ADAM19: variants seen among roughly 807,000 people sequenced by gnomAD.
The protein encoded by ADAM19 is ADAM metallopeptidase domain 19, also known as disintegrin and metalloproteinase domain-containing protein 19.
In ADAM19, 65 loss-of-function variants were observed where a neutral mutation model predicts 114.7. The ratio of observed to expected loss-of-function variants is 0.57; its 90% CI spans 0.46 to 0.70. The LOEUF is 0.70. Among genes scored for constraint, ADAM19 ranks in the 30% least tolerant of loss-of-function variants. The pLI is 0.00. For synonymous variants in ADAM19, 466 were observed against 460.5 expected (o/e 1.01, Z -0.15); for missense variants, 1,063 against 1,204.7 (o/e 0.88, Z 1.74).
At chr5:157,519,053 A>T (rs1756187899) in intron 6 of ADAM19, among the ~76,000 whole-genome samples, 165 bp from the exon 7 acceptor site, 1 of 152,168 alleles carries the variant, frequency 6.6e-6, no homozygotes, top group African/African-American at 2.4e-5. Context: ...CACTCATATA[A>T]CACCTTCCAC....
chr5:157,562,360 C>T (rs1159495101), intron 3 of ADAM19, among the ~76,000 whole-genome samples: 5 of 152,190 alleles, frequency 3.3e-5, no homozygotes, highest in South Asian at 2.1e-4. Flanking sequence ...CAATGGGAAA[C>T]GAGAGCTGCT....
At chr5:157,516,204 CCCCACCCCAGT>C (rs1269935319) in intron 7 of ADAM19, among the ~76,000 whole-genome samples, 1 of 152,114 alleles carries the variant, frequency 6.6e-6, no homozygotes, top group African/African-American at 2.4e-5. Flanking sequence ...TGTTACACAC[CCCCACCCCAGT>C]CCCTCAAATG....
intron 21 of ADAM19, 134 bp downstream of exon 21, chr5:157,488,131 G>C: frequency 1.2e-6 from 1 of 867,778 alleles, no homozygotes; most frequent in Non-Finnish European, 1.9e-6. Flanking sequence ...GTGCGCCCCC[G>C]TATTGACTGA....
chr5:157,505,692 C>G lies in ADAM19; in HGVS notation c.1107G>C (p.Gly369=). 6.2e-7 allele frequency: 1 copy of G among 1,614,096 alleles called. No individual in the cohort carries two copies. Among genetic ancestry groups the G allele is most frequent in the African/African-American group, 1.3e-5 (1 of 75,040 alleles). The change falls in exon 11 of 23, where the codon GGG becomes GGC. Residue 369 remains glycine, a synonymous_variant. Coordinates refer to ENST00000257527, the MANE Select transcript of ADAM19 (RefSeq NM_033274.5). ...DCCSASAADG[G]CIMAAATGHP... is the part of the protein sequence containing the mutation. ...ACCCAGTGGCAGCTGCCATGATGCACCCACCATCAGCCGCACTGGCCGAGC... is the reference window on the plus strand; with the variant it reads ...ACCCAGTGGCAGCTGCCATGATGCAGCCACCATCAGCCGCACTGGCCGAGC...
chr5:157,547,329 C>A (rs1757076314), intron 3 of ADAM19, among the ~76,000 whole-genome samples: 1 of 152,198 alleles, frequency 6.6e-6, no homozygotes, highest in Non-Finnish European at 1.5e-5. Context: ...TGTATCCCCG[C>A]AAAAGCCTGT....
chr5:157,493,219 G>C, intron 15 of ADAM19, 42 bp from the exon 16 acceptor site: 1 of 1,599,118 alleles, frequency 6.3e-7, no homozygotes, highest in Non-Finnish European at 8.6e-7. Context: ...GGAATCAGAG[G>C]CAGAGGAAGA....
rs1169014667 is a variant in ADAM19, at chr5:157,477,499, A to G, written c.*3450T>C. ...AAATTCACATTGCCCTGGATCCCAG[A>G]CACATACAAACGCACAGTGGACGGT... On this transcript the variant is annotated 3_prime_UTR_variant, in exon 23 of 23. Coordinates refer to ENST00000257527, the MANE Select transcript of ADAM19 (RefSeq NM_033274.5). 2.7e-6 allele frequency: 3 copies of G among 1,093,126 alleles called. No individual in the cohort carries two copies. In the African/African-American group the frequency reaches 4.9e-5, roughly 18 times the overall value. The allele number at this position is 1,093,126 out of a possible 1,614,324, so 67.7% of individuals were successfully genotyped here. A position where few individuals can be genotyped will look rare whatever the true frequency, so the allele number is the denominator to read the frequency against.
intron 12 of ADAM19, among the ~76,000 whole-genome samples, chr5:157,500,558 C>T (rs1755528745): frequency 6.6e-6 from 1 of 152,112 alleles, no homozygotes; most frequent in Non-Finnish European, 1.5e-5. Context: ...CCCTCCTGCC[C>T]CCAACCCTCC....
chr5:157,505,118 CAA>C (rs775250955), intron 11 of ADAM19, among the ~76,000 whole-genome samples: 25 of 86,824 alleles, frequency 2.9e-4, no homozygotes, highest in Non-Finnish European at 2.3e-4. Flanking sequence ...GACTCTGTCT[CAA>C]AAAAAAAAAA....
chr5:157,557,918 CA>C (rs1159316784), intron 3 of ADAM19, among the ~76,000 whole-genome samples: 2 of 152,150 alleles, frequency 1.3e-5, no homozygotes, highest in African/African-American at 4.8e-5. Context: ...CAGTACATTG[CA>C]AATGGAGACC....
At chr5:157,553,000 C>A (rs1255506634) in intron 3 of ADAM19, among the ~76,000 whole-genome samples, 1 of 152,084 alleles carries the variant, frequency 6.6e-6, no homozygotes. Flanking sequence ...AATAATTGAA[C>A]TCCTGGGCAG....
intron 13 of ADAM19, among the ~76,000 whole-genome samples, chr5:157,499,099 A>C (rs1041472057): frequency 1.3e-5 from 2 of 152,154 alleles, no homozygotes; most frequent in African/African-American, 4.8e-5. Context: ...ATTCCAGATA[A>C]ACCTCTTATC....
chr5:157,566,433 T>C (rs997200108), intron 2 of ADAM19: 1 of 152,220 alleles, frequency 6.6e-6, no homozygotes, highest in African/African-American at 2.4e-5. Context: ...TCTTTCCACA[T>C]GTTTACAATT....
rs1268348948 is a variant in ADAM19 at position 157,490,794 on chromosome 5, A to T, written c.2096-340T>A. The stretch of plus-strand genomic sequence containing the variant: ...GTAGTCTCAGCTACTCAGGAGGCTG[A>T]GGCAGGAGAATCACTTGAACCCGGG... On this transcript the variant is annotated intron_variant, in intron 18 of 22. Transcript: ENST00000257527. 2.7e-5 allele frequency among the ~76,000 whole-genome samples: 4 copies of T among 150,910 alleles called. No individual in the cohort carries two copies. In the East Asian group the frequency reaches 7.9e-4, roughly 30 times the overall value.
At chr5:157,488,669 A>C (rs1755040535) in intron 20 of ADAM19, among the ~76,000 whole-genome samples, 180 bp from the exon 21 acceptor site, 1 of 152,154 alleles carries the variant, frequency 6.6e-6, no homozygotes, top group Non-Finnish European at 1.5e-5. Flanking sequence ...GAACCAAATA[A>C]CATGTCTCTC....
chr5:157,511,346 T>C (rs758398780), intron 8 of ADAM19, among the ~76,000 whole-genome samples: 7 of 152,154 alleles, frequency 4.6e-5, no homozygotes, highest in Non-Finnish European at 1.0e-4. Flanking sequence ...TTAGAGAAGT[T>C]AAGGAACTTG....
chr5:157,569,310 C>A (rs964626890), intron 2 of ADAM19, among the ~76,000 whole-genome samples: 1 of 143,114 alleles, frequency 7.0e-6, no homozygotes, highest in East Asian at 2.1e-4. Context: ...GCTGATGCGA[C>A]TATATCTTAC....
chr5:157,575,747 G>A lies in ADAM19; in HGVS notation c.-51C>T. 8.2e-7 allele frequency: 1 copy of A among 1,223,526 alleles called. No homozygotes were observed. The highest frequency in any genetic ancestry group is 1.6e-5 in the African/African-American group (1 of 63,756). 75.8% of individuals were successfully genotyped at this position (1,223,526 alleles called of 1,614,324 possible). Reference sequence around the variant, plus strand: ...CGCTCACACGCCCTCAGCCATACCTGCCCACTGCCCGGCGGTGGAGGCGCG... The same window carrying A: ...CGCTCACACGCCCTCAGCCATACCTACCCACTGCCCGGCGGTGGAGGCGCG... On this transcript the variant is annotated 5_prime_UTR_variant, in exon 1 of 23. Coordinates refer to ENST00000257527, the MANE Select transcript of ADAM19 (RefSeq NM_033274.5).
intron 5 of ADAM19, among the ~76,000 whole-genome samples, chr5:157,523,437 G>A (rs1465725200): frequency 6.6e-6 from 1 of 152,168 alleles, no homozygotes; most frequent in Non-Finnish European, 1.5e-5. Flanking sequence ...CCTCATGAAT[G>A]GCTTGGTGCA....
Sources: gnomAD v4.1 joint callset for allele counts (sites outside exome capture counted in the v4.1 genomes callset) on GRCh38, gnomAD v4.1.1 for gene constraint, MANE v1.5 for transcripts, NCBI Gene and HGNC (gene_info 2026-07-23, HGNC 2026-07-21) for gene names.